FOXD3: variants seen among roughly 807,000 people sequenced by gnomAD.
FOXD3 encodes the protein forkhead box D3, also known as forkhead box protein D3.
In FOXD3, 3 loss-of-function variants were observed where a neutral mutation model predicts 3.6. That is an observed-to-expected ratio of 0.84 (90% CI 0.38 to 2.18). The LOEUF (loss-of-function observed/expected upper bound fraction) is 2.18, where lower values mean the gene tolerates loss of function less well. FOXD3 is among the 30% of genes most tolerant of loss of function. The pLI is 0.06. For synonymous variants in FOXD3, 391 were observed against 360.9 expected (o/e 1.08, Z -0.94); for missense variants, 686 against 731.6 (o/e 0.94, Z 0.72).
At position 63,324,832 on chromosome 1, in the gene FOXD3, T is replaced by C. The variant is rs6588025; in HGVS notation, c.*337T>C. On this transcript the variant is annotated 3_prime_UTR_variant, in exon 1 of 1. Transcript: ENST00000371116. This position sits in a 1 kb window ranked among gnomAD's most constrained non-coding sequence, Gnocchi z 4.1. ...TGGGAGGGAAATTCTTTGTATATAT[T>C]TGTAAAAAAATTATTGACTTTCCTT... is the stretch of plus-strand genomic sequence containing the variant. 0.22 allele frequency: 67,182 copies of C among 301,954 alleles called. 8,009 individuals are homozygous for C. Among genetic ancestry groups the C allele is most frequent in the South Asian group, 0.37 (5,001 of 13,506 alleles). The allele number at this position is 301,954 out of a possible 1,614,324, so 18.7% of individuals were successfully genotyped here. A position where few individuals can be genotyped will look rare whatever the true frequency, so the allele number is the denominator to read the frequency against.
At position 63,323,572 on chromosome 1, in the gene FOXD3, A is replaced by G. The variant is rs1012319757; in HGVS notation, c.514A>G (p.Ser172Gly). ...CCTGAGCGGCATCTGCGAGTTCATC[A>G]GCAACCGCTTCCCCTACTACAGGGA... ...LTLSGICEFI[S>G]NRFPYYREKF... Residue 172 changes from serine to glycine, a missense_variant, in exon 1 of 1, where the codon AGC (serine) becomes GGC (glycine). Physicochemically the swap from Ser to Gly is moderately conservative, Grantham distance 56. Transcript: ENST00000371116. The surrounding 1 kb of genome is among the most constrained non-coding windows in gnomAD (Gnocchi z 6.8). The G allele has an allele frequency of 7.4e-6, 12 of 1,614,010 alleles. No homozygotes were observed. The highest frequency in any genetic ancestry group is 5.0e-5 in the Admixed American group (3 of 60,010).
Position 63,323,955 on chromosome 1 carries a change from G to C in FOXD3, c.897G>C (p.Ala299=), listed in dbSNP as rs1263590290. The change falls in exon 1 of 1, where the codon GCG becomes GCC. Residue 299 remains alanine (A), a synonymous_variant. Coordinates refer to ENST00000371116, the MANE Select transcript of FOXD3 (RefSeq NM_012183.3). This position sits in a 1 kb window ranked among gnomAD's most constrained non-coding sequence, Gnocchi z 6.8. ...PAAAAAAAAA[A]ALQYPYALPP... ...CGGCGGCGGCCGCGGCTGCTGCGGCGGCGCTCCAGTACCCGTACGCGCTGC... is the reference window on the plus strand; with the variant it reads ...CGGCGGCGGCCGCGGCTGCTGCGGCCGCGCTCCAGTACCCGTACGCGCTGC... The C allele has an allele frequency of 8.0e-6, 10 of 1,244,504 alleles. No individual in the cohort carries two copies. The highest frequency in any genetic ancestry group is 1.0e-5 in the Non-Finnish European group (10 of 999,956). The allele number at this position is 1,244,504 out of a possible 1,614,324, so 77.1% of individuals were successfully genotyped here.
In FOXD3 at chr1:63,324,575, C is replaced by T; in HGVS notation, c.*80C>T. 9.2e-7 allele frequency: 1 copy of T among 1,089,884 alleles called. No homozygotes were observed. The highest frequency in any genetic ancestry group is 1.3e-6 in the Non-Finnish European group (1 of 748,136). 67.5% of individuals were successfully genotyped at this position (1,089,884 alleles called of 1,614,324 possible). Reference sequence around the variant, plus strand: ...CACCTCCAGGCTGCGCGCCCTGTCCCAAGCCCGGTCCCGGTCCCGCTGCCC... The same window carrying T: ...CACCTCCAGGCTGCGCGCCCTGTCCTAAGCCCGGTCCCGGTCCCGCTGCCC... On this transcript the variant is annotated 3_prime_UTR_variant, in exon 1 of 1. Coordinates refer to ENST00000371116, the MANE Select transcript of FOXD3 (RefSeq NM_012183.3). This position sits in a 1 kb window ranked among gnomAD's most constrained non-coding sequence, Gnocchi z 4.1.
rs369566771 is a variant in FOXD3 at position 63,323,813 on chromosome 1, T to A, written c.755T>A (p.Met252Lys). The change falls in exon 1 of 1, where the codon ATG (methionine) becomes AAG (lysine). Residue 252 changes from methionine to lysine, a missense_variant. This residue lies in a region of FOXD3 where 370 missense variants were observed against 372.3 expected (regional missense o/e 0.99). Transcript: ENST00000371116. This position sits in a 1 kb window ranked among gnomAD's most constrained non-coding sequence, Gnocchi z 6.8. ...QEHLREQTAL[M>K]MQSFGAYSLA... ...CACCTGCGCGAGCAGACGGCGCTCA[T>A]GATGCAGAGCTTCGGCGCTTACAGC... 9 of 1,609,918 alleles carry A rather than the reference T, an allele frequency of 5.6e-6. No individual in the cohort carries two copies. Among genetic ancestry groups the A allele is most frequent in the Non-Finnish European group, 7.6e-6 (9 of 1,178,666 alleles).
chr1:63,324,552 C>A lies in FOXD3; in HGVS notation c.*57C>A. 1 of 1,314,986 alleles carries A rather than the reference C, an allele frequency of 7.6e-7. No homozygotes were observed. The highest frequency in any genetic ancestry group is 1.1e-6 in the Non-Finnish European group (1 of 946,198). The allele number at this position is 1,314,986 out of a possible 1,614,324, so 81.5% of individuals were successfully genotyped here. ...GCGGCGGCCTCGAGCAACAAATGCACCTCCAGGCTGCGCGCCCTGTCCCAA... is the reference window on the plus strand; with the variant it reads ...GCGGCGGCCTCGAGCAACAAATGCAACTCCAGGCTGCGCGCCCTGTCCCAA... On this transcript the variant is annotated 3_prime_UTR_variant, in exon 1 of 1. Coordinates refer to ENST00000371116, the MANE Select transcript of FOXD3 (RefSeq NM_012183.3). This position sits in a 1 kb window ranked among gnomAD's most constrained non-coding sequence, Gnocchi z 4.1.
chr1:63,323,550 G>C lies in FOXD3; in HGVS notation c.492G>C (p.Leu164=). The change falls in exon 1 of 1, where the codon CTG becomes CTC. Residue 164 remains leucine, a synonymous_variant. Transcript: ENST00000371116. This position sits in a 1 kb window ranked among gnomAD's most constrained non-coding sequence, Gnocchi z 6.8. ...AGAGCCCGCAGAAGAAGCTGACCCT[G>C]AGCGGCATCTGCGAGTTCATCAGCA... ...ILQSPQKKLT[L]SGICEFISNR... 19 of 1,614,164 alleles carry C rather than the reference G, an allele frequency of 1.2e-5. No individual in the cohort carries two copies. The highest frequency in any genetic ancestry group is 1.5e-5 in the Non-Finnish European group (18 of 1,180,026).
Position 63,324,800 on chromosome 1 carries a change from G to T in FOXD3, c.*305G>T, listed in dbSNP as rs570474259. The T allele has an allele frequency of 3.8e-5, 16 of 423,062 alleles. No homozygotes were observed. The highest frequency in any genetic ancestry group is 3.1e-4 in the African/African-American group (15 of 47,922). The allele number at this position is 423,062 out of a possible 1,614,324, so 26.2% of individuals were successfully genotyped here. On this transcript the variant is annotated 3_prime_UTR_variant, in exon 1 of 1. Transcript: ENST00000371116. The surrounding 1 kb of genome is among the most constrained non-coding windows in gnomAD (Gnocchi z 4.1). ...CCCGACGGCGCCTGCTCTTAGTACC[G>T]TGGGGATGGGAGGGAAATTCTTTGT...
Position 63,324,336 on chromosome 1 carries a change from AGCGCTCATG to A in FOXD3, c.1281_1289del (p.Leu428_Ala430del), listed in dbSNP as rs1211775027. Reference sequence around the variant, plus strand: ...GGCCACCCGGGACCGTGCAGTCGGCAGCGCTCATGGCCACCCACCAACCGCTGTCGCTGA... The same window carrying A: ...GGCCACCCGGGACCGTGCAGTCGGCAGCCACCCACCAACCGCTGTCGCTGA... On this transcript the variant is annotated inframe_deletion, in exon 1 of 1. Coordinates refer to ENST00000371116, the MANE Select transcript of FOXD3 (RefSeq NM_012183.3). This position sits in a 1 kb window ranked among gnomAD's most constrained non-coding sequence, Gnocchi z 4.1. 6.3e-7 allele frequency: 1 copy of A among 1,583,544 alleles called. No homozygotes were observed. Among genetic ancestry groups the A allele is most frequent in the East Asian group, 2.3e-5 (1 of 43,398 alleles).
chr1:63,323,834 A>G lies in FOXD3; in HGVS notation c.776A>G (p.Tyr259Cys). The G allele has an allele frequency of 6.4e-7, 1 of 1,557,746 alleles. No individual in the cohort carries two copies. The highest frequency in any genetic ancestry group is 8.7e-7 in the Non-Finnish European group (1 of 1,150,706). The change falls in exon 1 of 1, where the codon TAC (tyrosine) becomes TGC (cysteine). Residue 259 changes from tyrosine to cysteine, a missense_variant. This residue lies in a region of FOXD3 where 370 missense variants were observed against 372.3 expected (regional missense o/e 0.99). Coordinates refer to ENST00000371116, the MANE Select transcript of FOXD3 (RefSeq NM_012183.3). This position sits in a 1 kb window ranked among gnomAD's most constrained non-coding sequence, Gnocchi z 6.8. ...CTCATGATGCAGAGCTTCGGCGCTT[A>G]CAGCCTGGCGGCGGCGGCCGGCGCC... ...TALMMQSFGA[Y>C]SLAAAAGAAG...
Position 63,324,109 on chromosome 1 carries a change from G to A in FOXD3, c.1051G>A (p.Ala351Thr). Residue 351 changes from alanine to threonine, a missense_variant, in exon 1 of 1, where the codon GCC (alanine) becomes ACC (threonine). This residue lies in a region of FOXD3 where 370 missense variants were observed against 372.3 expected (regional missense o/e 0.99). Coordinates refer to ENST00000371116, the MANE Select transcript of FOXD3 (RefSeq NM_012183.3). The surrounding 1 kb of genome is among the most constrained non-coding windows in gnomAD (Gnocchi z 4.1). ...LQLQLNSLGAAAAAAGTAGAA... is the reference protein window; with the variant it reads ...LQLQLNSLGATAAAAGTAGAA... ...GCTGCAGCTCAATAGCCTGGGCGCCGCCGCGGCCGCTGCGGGCACAGCGGG... is the reference window on the plus strand; with the variant it reads ...GCTGCAGCTCAATAGCCTGGGCGCCACCGCGGCCGCTGCGGGCACAGCGGG... 1 of 1,429,966 alleles carries A rather than the reference G, an allele frequency of 7.0e-7. No individual in the cohort carries two copies. Among genetic ancestry groups the A allele is most frequent in the Non-Finnish European group, 9.0e-7 (1 of 1,105,032 alleles). 88.6% of individuals were successfully genotyped at this position (1,429,966 alleles called of 1,614,324 possible).
At position 63,324,359 on chromosome 1, in the gene FOXD3, C is replaced by A. The variant is rs755048705; in HGVS notation, c.1301C>A (p.Pro434Gln). 3 of 1,588,138 alleles carry A rather than the reference C, an allele frequency of 1.9e-6. No individual in the cohort carries two copies. Among genetic ancestry groups the A allele is most frequent in the South Asian group, 2.2e-5 (2 of 89,210 alleles). The stretch of plus-strand genomic sequence containing the variant: ...GCAGCGCTCATGGCCACCCACCAAC[C>A]GCTGTCGCTGAGCCGGACGACTGCC... ...QSAALMATHQPLSLSRTTATI... is the reference protein window; with the variant it reads ...QSAALMATHQQLSLSRTTATI... Residue 434 changes from proline to glutamine, a missense_variant, in exon 1 of 1, where the codon CCG becomes CAG. Physicochemically the swap from Pro to Gln is moderately conservative, Grantham distance 76. This residue lies in a region of FOXD3 where 370 missense variants were observed against 372.3 expected (regional missense o/e 0.99). Transcript: ENST00000371116. This position sits in a 1 kb window ranked among gnomAD's most constrained non-coding sequence, Gnocchi z 4.1.
In FOXD3 at chr1:63,324,185, C is replaced by G. The variant is rs781649538; in HGVS notation, c.1127C>G (p.Pro376Arg). The G allele has an allele frequency of 7.0e-6, 10 of 1,435,852 alleles. No individual in the cohort carries two copies. The highest frequency in any genetic ancestry group is 1.4e-5 in the South Asian group (1 of 69,534). 88.9% of individuals were successfully genotyped at this position (1,435,852 alleles called of 1,614,324 possible). A position where few individuals can be genotyped will look rare whatever the true frequency, so the allele number is the denominator to read the frequency against. Residue 376 changes from proline to arginine, a missense_variant, in exon 1 of 1, where the codon CCG (proline) becomes CGG (arginine). Pro to Arg is a moderately radical substitution (Grantham distance 103). Transcript: ENST00000371116. This position sits in a 1 kb window ranked among gnomAD's most constrained non-coding sequence, Gnocchi z 4.1. Reference sequence around the variant, plus strand: ...ATCAAGTCCGAGCCAAGCGCGCGGCCGTCGTTCAGCATCGAGAACATCATA... The same window carrying G: ...ATCAAGTCCGAGCCAAGCGCGCGGCGGTCGTTCAGCATCGAGAACATCATA... Reference protein sequence around the residue: ...SLIKSEPSARPSFSIENIIGG... With the variant: ...SLIKSEPSARRSFSIENIIGG...
Position 63,322,803 on chromosome 1 carries a change from C to A in FOXD3, c.-256C>A. 1.0e-6 allele frequency: 1 copy of A among 985,366 alleles called. No homozygotes were observed. The highest frequency in any genetic ancestry group is 1.7e-5 in the African/African-American group (1 of 57,364). 61.0% of individuals were successfully genotyped at this position (985,366 alleles called of 1,614,324 possible). On this transcript the variant is annotated 5_prime_UTR_variant, in exon 1 of 1. Coordinates refer to ENST00000371116, the MANE Select transcript of FOXD3 (RefSeq NM_012183.3). ...GGGAGCGGTAGCGAGCGCCTAGTAC[C>A]GAGCGCCAGGGACGGCAGGAGTTCG...
chr1:63,324,340 C>G lies in FOXD3; in HGVS notation c.1282C>G (p.Leu428Val). ...RPPGTVQSAA[L>V]MATHQPLSLS... ...ACCCGGGACCGTGCAGTCGGCAGCG[C>G]TCATGGCCACCCACCAACCGCTGTC... Residue 428 changes from leucine to valine, a missense_variant, in exon 1 of 1, where the codon CTC becomes GTC. Physicochemically the swap from Leu to Val is conservative, Grantham distance 32 (BLOSUM62 1). Coordinates refer to ENST00000371116, the MANE Select transcript of FOXD3 (RefSeq NM_012183.3). This position sits in a 1 kb window ranked among gnomAD's most constrained non-coding sequence, Gnocchi z 4.1. 2.5e-6 allele frequency: 4 copies of G among 1,584,898 alleles called. No homozygotes were observed. The highest frequency in any genetic ancestry group is 3.4e-6 in the Non-Finnish European group (4 of 1,174,270).
In FOXD3 at chr1:63,323,427, C is replaced by T. The variant is rs1569984792; in HGVS notation, c.369C>T (p.Gly123=). 1 of 1,559,726 alleles carries T rather than the reference C, an allele frequency of 6.4e-7. No individual in the cohort carries two copies. The highest frequency in any genetic ancestry group is 8.6e-7 in the Non-Finnish European group (1 of 1,156,076). ...GGASGGGPGA[G]SGSAGGLAPS... ...CGAGCGGCGGCGGGCCTGGCGCGGG[C>T]AGCGGTTCGGCGGGAGGCCTGGCCC... is the stretch of plus-strand genomic sequence containing the variant. The change falls in exon 1 of 1, where the codon GGC becomes GGT. Residue 123 remains glycine (G), a synonymous_variant. Transcript: ENST00000371116. This position sits in a 1 kb window ranked among gnomAD's most constrained non-coding sequence, Gnocchi z 6.8.
At position 63,323,186 on chromosome 1, in the gene FOXD3, G is replaced by T. The variant is rs563141523; in HGVS notation, c.128G>T (p.Gly43Val). 1.9e-6 allele frequency: 3 copies of T among 1,557,140 alleles called. No homozygotes were observed. The highest frequency in any genetic ancestry group is 1.4e-5 in the African/African-American group (1 of 71,968). The stretch of plus-strand genomic sequence containing the variant: ...CTGGAAGAGAAGGACAGCGACGCAG[G>T]TTGCGATAGCCCCGCGGGGCCGCCG... ...DGLEEKDSDAGCDSPAGPPEL... is the reference protein window; with the variant it reads ...DGLEEKDSDAVCDSPAGPPEL... The change falls in exon 1 of 1, where the codon GGT becomes GTT. Residue 43 changes from glycine to valine, a missense_variant. Transcript: ENST00000371116. This position sits in a 1 kb window ranked among gnomAD's most constrained non-coding sequence, Gnocchi z 6.8.
In FOXD3 at chr1:63,324,879, GA is replaced by G. The variant is rs1647064446; in HGVS notation, c.*390del. 5.0e-6 allele frequency: 1 copy of G among 201,792 alleles called. No homozygotes were observed. Among genetic ancestry groups the G allele is most frequent in the Non-Finnish European group, 1.1e-5 (1 of 91,580 alleles). The allele number at this position is 201,792 out of a possible 1,614,324, so 12.5% of individuals were successfully genotyped here. ...CCTTTTGGGGTTTTTATTTTTTTAA[GA>G]AAAAACAAATTCCGTAGATTTAGAG... On this transcript the variant is annotated 3_prime_UTR_variant, in exon 1 of 1. Transcript: ENST00000371116. The surrounding 1 kb of genome is among the most constrained non-coding windows in gnomAD (Gnocchi z 4.1).
rs950896111 is a variant in FOXD3, at chr1:63,324,507, T to C, written c.*12T>C. The C allele has an allele frequency of 1.3e-6, 2 of 1,527,158 alleles. No homozygotes were observed. Among genetic ancestry groups the C allele is most frequent in the Non-Finnish European group, 1.8e-6 (2 of 1,139,814 alleles). 94.6% of individuals were successfully genotyped at this position (1,527,158 alleles called of 1,614,324 possible). A position where few individuals can be genotyped will look rare whatever the true frequency, so the allele number is the denominator to read the frequency against. ...GGCCGGCGCAATAGGGACGCGCCAA[T>C]GGCCGGGACCCAGGGTCCGGCGGCG... is the stretch of plus-strand genomic sequence containing the variant. On this transcript the variant is annotated 3_prime_UTR_variant, in exon 1 of 1. Transcript: ENST00000371116. This position sits in a 1 kb window ranked among gnomAD's most constrained non-coding sequence, Gnocchi z 4.1.
At position 63,323,656 on chromosome 1, in the gene FOXD3, G is replaced by C. The variant is rs773299639; in HGVS notation, c.598G>C (p.Val200Leu). Reference protein sequence around the residue: ...RHNLSLNDCFVKIPREPGNPG... With the variant: ...RHNLSLNDCFLKIPREPGNPG... ...CAACCTCTCACTCAACGACTGCTTC[G>C]TCAAGATCCCCCGCGAGCCGGGCAA... The change falls in exon 1 of 1, where the codon GTC becomes CTC. Residue 200 changes from valine to leucine, a missense_variant. This residue lies in a region of FOXD3 where 84 missense variants were observed against 145.2 expected (regional missense o/e 0.58). Coordinates refer to ENST00000371116, the MANE Select transcript of FOXD3 (RefSeq NM_012183.3). The surrounding 1 kb of genome is among the most constrained non-coding windows in gnomAD (Gnocchi z 6.8). The C allele has an allele frequency of 1.2e-6, 2 of 1,614,012 alleles. No homozygotes were observed. Among genetic ancestry groups the C allele is most frequent in the Non-Finnish European group, 1.7e-6 (2 of 1,179,992 alleles).
Sources: allele counts gnomAD v4.1 joint callset, GRCh38; gene constraint gnomAD v4.1.1; regional missense constraint gnomAD v4.1.1; non-coding constraint Gnocchi (gnomAD v3.1); transcripts MANE v1.5; gene names NCBI Gene and HGNC (gene_info 2026-07-23, HGNC 2026-07-21).